Variants in IL4I1 observed in about 807,000 individuals in gnomAD.
IL4I1 encodes the protein interleukin 4 induced 1.
IL4I1 carries 24 observed loss-of-function variants against 29.7 expected under a neutral mutation model. That is an observed-to-expected ratio of 0.81 (90% CI 0.59 to 1.14). IL4I1 has a LOEUF of 1.14. IL4I1 is among the 50% of genes most tolerant of loss of function. IL4I1 has a pLI of 0.00. For missense variants in IL4I1, 686 were observed against 785.6 expected (o/e 0.87, Z 1.52); for synonymous variants, 371 against 352.5 (o/e 1.05, Z -0.59).
chr19:49,926,396 G>C (rs894672766), intron 2 of IL4I1, among the ~76,000 whole-genome samples: 6 of 152,056 alleles, frequency 3.9e-5, no homozygotes, highest in African/African-American at 1.5e-4. Context: ...CAGGCGTGGT[G>C]GTGGGCGCCT....
chr19:49,889,924 C>T lies in IL4I1; in HGVS notation c.1450G>A (p.Ala484Thr). The change falls in exon 8 of 8, where the codon GCC becomes ACC. Residue 484 changes from alanine (A) to threonine (T), a missense_variant. Coordinates refer to ENST00000391826, the MANE Select transcript of IL4I1 (RefSeq NM_152899.2). The stretch of plus-strand genomic sequence containing the variant: ...GTCTCCACCCAGCCGTGCGGGTAGG[C>T]GGTGTGCTCGCCGGCAAAGTAGATG... ...GRIYFAGEHT[A>T]YPHGWVETAV... The T allele has an allele frequency of 6.2e-7, 1 of 1,607,502 alleles. No homozygotes were observed. Among genetic ancestry groups the T allele is most frequent in the Non-Finnish European group, 8.5e-7 (1 of 1,177,496 alleles).
intron 3 of IL4I1, among the ~76,000 whole-genome samples, chr19:49,895,548 G>C (rs1004842460): frequency 6.6e-6 from 1 of 152,112 alleles, no homozygotes; most frequent in East Asian, 1.9e-4. Context: ...ACCAACAGGC[G>C]CCCCACCCCA....
chr19:49,914,214 T>C (rs1217104320), intron 2 of IL4I1, among the ~76,000 whole-genome samples: 1 of 152,162 alleles, frequency 6.6e-6, no homozygotes, highest in Non-Finnish European at 1.5e-5. Context: ...AAATGCAAAC[T>C]ATTACGAGCT....
In IL4I1 at chr19:49,908,088, C is replaced by A. The variant is rs745899876; in HGVS notation, c.-227-3767G>T. ...CAGAATACCCTCCTAAATGGAAAAA[C>A]GCAAAGCACACAGCGATCATGTCAA... On this transcript the variant is annotated intron_variant, in intron 2 of 9. Transcript: ENST00000341114. 1.6e-5 allele frequency: 24 copies of A among 1,460,258 alleles called. No homozygotes were observed. In the African/African-American group the frequency reaches 3.0e-4, roughly 18 times the overall value. 90.5% of individuals were successfully genotyped at this position (1,460,258 alleles called of 1,614,324 possible). A position where few individuals can be genotyped will look rare whatever the true frequency, so the allele number is the denominator to read the frequency against.
chr19:49,914,048 G>A (rs2075554623), intron 2 of IL4I1, among the ~76,000 whole-genome samples: 1 of 152,116 alleles, frequency 6.6e-6, no homozygotes, highest in African/African-American at 2.4e-5. Context: ...CACAGGGTCT[G>A]TCCAGGTTAA....
At chr19:49,895,047 G>A (rs1272015433) in intron 4 of IL4I1, 21 bp downstream of exon 4, 14 of 1,591,496 alleles carry the variant, frequency 8.8e-6, no homozygotes, top group African/African-American at 1.3e-5. Flanking sequence ...AGGCACACAG[G>A]TGGGTGGGTT....
chr19:49,907,627 G>A (rs1299786015), intron 2 of IL4I1: 3 of 391,742 alleles, frequency 7.7e-6, no homozygotes, highest in Non-Finnish European at 9.7e-6. Context: ...ACACCTCCTG[G>A]GTTCAAGTGA....
chr19:49,928,835 CT>C (rs570055889), intron 1 of IL4I1: 42 of 152,320 alleles, frequency 2.8e-4, no homozygotes, highest in African/African-American at 9.9e-4. Context: ...GAGAAATGAA[CT>C]GGTGCAGGTC....
At position 49,890,440 on chromosome 19, in the gene IL4I1, C is replaced by T; in HGVS notation, c.934G>A (p.Val312Met). ...ETSPPARNLK[V>M]LKADVVLLTA... ...AGCAGCACCACGTCGGCCTTCAGCA[C>T]CTTCAGATTCCGCGCCGGGGGAGAG... The change falls in exon 8 of 8, where the codon GTG becomes ATG. Residue 312 changes from valine to methionine, a missense_variant. Transcript: ENST00000391826. 1 of 1,611,456 alleles carries T rather than the reference C, an allele frequency of 6.2e-7. No homozygotes were observed. Among genetic ancestry groups the T allele is most frequent in the South Asian group, 1.1e-5 (1 of 91,078 alleles).
chr19:49,923,571 C>T (rs1345078752), intron 2 of IL4I1, among the ~76,000 whole-genome samples: 1 of 152,216 alleles, frequency 6.6e-6, no homozygotes, highest in African/African-American at 2.4e-5. Context: ...CTCTGGCAGC[C>T]GCCGGCTTCA....
At chr19:49,923,191 C>G (rs1330962166) in intron 2 of IL4I1, among the ~76,000 whole-genome samples, 1 of 152,154 alleles carries the variant, frequency 6.6e-6, no homozygotes, top group East Asian at 1.9e-4. Flanking sequence ...TGTCTCCCAG[C>G]CCCCGCGTCA....
chr19:49,916,544 C>T (rs539162645), intron 2 of IL4I1, among the ~76,000 whole-genome samples: 95 of 151,856 alleles, frequency 6.3e-4, no homozygotes, highest in African/African-American at 2.2e-3. Context: ...AAGGCCGAGG[C>T]GGGCGGATCA....
rs545361384 is a variant in IL4I1, at chr19:49,911,810, G to A, written c.-227-7489C>T. Among the ~76,000 whole-genome samples, 3 of 152,328 alleles carry A rather than the reference G, an allele frequency of 2.0e-5. No individual in the cohort carries two copies. In the East Asian group the frequency reaches 5.8e-4, roughly 29 times the overall value. ...GCTGTGGCCCTGGCATTTTCATAAA[G>A]CTTTCCTGGGGGATTCTGAGAAAGG... is the stretch of plus-strand genomic sequence containing the variant. On this transcript the variant is annotated intron_variant, in intron 2 of 9. Coordinates refer to the IL4I1 transcript ENST00000341114.
At position 49,890,608 on chromosome 19, in the gene IL4I1, CG is replaced by C; in HGVS notation, c.774-9del. 2 of 1,237,988 alleles carry C rather than the reference CG, an allele frequency of 1.6e-6. No homozygotes were observed. The highest frequency in any genetic ancestry group is 2.2e-6 in the Non-Finnish European group (2 of 907,642). The allele number at this position is 1,237,988 out of a possible 1,614,324, so 76.7% of individuals were successfully genotyped here. On this transcript the variant is annotated splice_polypyrimidine_tract_variant and intron_variant, in intron 7 of 7. Transcript: ENST00000391826. ...CCCACGATGCGGCTGTACCTGCAGGCGGGGCGGGGCGGGGTGGGGGCGTGAC... is the reference window on the plus strand; with the variant it reads ...CCCACGATGCGGCTGTACCTGCAGGCGGGCGGGGCGGGGTGGGGGCGTGAC...
chr19:49,917,299 T>C (rs1413925943), intron 2 of IL4I1, among the ~76,000 whole-genome samples: 1 of 152,188 alleles, frequency 6.6e-6, no homozygotes, highest in Non-Finnish European at 1.5e-5. Flanking sequence ...GCCAGGACCA[T>C]CTCCATGAGT....
At chr19:49,909,182 G>T in intron 2 of IL4I1, 2 of 1,613,726 alleles carry the variant, frequency 1.2e-6, no homozygotes, top group East Asian at 4.5e-5. Flanking sequence ...GGCTGTGGGT[G>T]TGGGAGCAGC....
chr19:49,926,171 T>A lies in IL4I1; in HGVS notation c.-228+1523A>T, dbSNP rs1024307294. 2.2e-5 allele frequency among the ~76,000 whole-genome samples: 3 copies of A among 135,362 alleles called. No individual in the cohort carries two copies. In the Admixed American group the frequency reaches 2.5e-4, roughly 11 times the overall value. 88.8% of individuals were successfully genotyped at this position (135,362 alleles called of 152,430 possible). A position where few individuals can be genotyped will look rare whatever the true frequency, so the allele number is the denominator to read the frequency against. ...TTGCAGTGAGCTGTGACGGTGCCAC[T>A]GCACTCCAGCCTGGGCAACAGAGCG... On this transcript the variant is annotated intron_variant, in intron 2 of 9. Transcript: ENST00000341114.
upstream of IL4I1, among the ~76,000 whole-genome samples, chr19:49,899,214 T>C (rs890656758): frequency 7.2e-5 from 11 of 152,276 alleles, no homozygotes; most frequent in African/African-American, 2.6e-4. Flanking sequence ...CATGGAAAGG[T>C]GTGGAGGCCC....
chr19:49,892,392 C>G (rs1600467041), intron 5 of IL4I1, among the ~76,000 whole-genome samples: 1 of 152,166 alleles, frequency 6.6e-6, no homozygotes, highest in South Asian at 2.1e-4. Flanking sequence ...TACCCGCCTT[C>G]TGACTCTCTG....
Sources: gnomAD v4.1 joint callset for allele counts (sites outside exome capture counted in the v4.1 genomes callset) on GRCh38, gnomAD v4.1.1 for gene constraint, MANE v1.5 for transcripts, NCBI Gene and HGNC (gene_info 2026-07-23, HGNC 2026-07-21) for gene names.